The following SEPTIN9 variants were observed in gnomAD, a reference collection of about 807,000 sequenced individuals.
SEPTIN9 encodes the protein septin 9, also known as septin-9.
A neutral mutation model predicts 56.6 loss-of-function variants in SEPTIN9; 13 were observed. The observed-to-expected ratio is 0.23, with a 90% confidence interval of 0.15 to 0.37. The LOEUF (loss-of-function observed/expected upper bound fraction) is 0.37. Among genes scored for constraint, SEPTIN9 ranks in the 10% least tolerant of loss-of-function variants. The pLI, the probability that SEPTIN9 is intolerant of heterozygous loss-of-function variation, is 1.00. For synonymous variants in SEPTIN9, 332 were observed against 334.1 expected (o/e 0.99, Z 0.07); for missense variants, 650 against 823.1 (o/e 0.79, Z 2.57).
rs1473843098 is a variant in SEPTIN9, at chr17:77,500,366, A to C, written c.*1708A>C. 3 of 174,408 alleles carry C rather than the reference A, an allele frequency of 1.7e-5. No individual in the cohort carries two copies. Among genetic ancestry groups the C allele is most frequent in the African/African-American group, 4.8e-5 (2 of 41,556 alleles). 10.8% of individuals were successfully genotyped at this position (174,408 alleles called of 1,614,324 possible). ...CAGGCCATGTGGCCTGCCCAGCCTC[A>C]ATGTCACTTGGTGGCGGGGTGGGGT... On this transcript the variant is annotated 3_prime_UTR_variant, in exon 12 of 12. Transcript: ENST00000427177.
chr17:77,482,356 C>T (rs1482569380), intron 4 of SEPTIN9, 21 bp downstream of exon 4: 1 of 1,608,036 alleles, frequency 6.2e-7, no homozygotes. Flanking sequence ...ACCTTGCATG[C>T]CACTCAACCA....
rs906148602 is a variant in SEPTIN9, at chr17:77,326,465, G to C, written c.76+19268G>C. On this transcript the variant is annotated intron_variant, in intron 2 of 11. Transcript: ENST00000427177. This position sits in a 1 kb window ranked among gnomAD's most constrained non-coding sequence, Gnocchi z 5.1. ...CGGGCTGAGCGCAGAAGGATGAGGGGAGTAAACCAGGCTCAAACCCAGCAG... is the reference window on the plus strand; with the variant it reads ...CGGGCTGAGCGCAGAAGGATGAGGGCAGTAAACCAGGCTCAAACCCAGCAG... 8.5e-5 allele frequency among the ~76,000 whole-genome samples: 13 copies of C among 152,342 alleles called. No individual in the cohort carries two copies. The Middle Eastern group carries it at 0.01, about 120-fold the overall frequency.
chr17:77,462,403 G>T (rs1005398677), intron 3 of SEPTIN9, among the ~76,000 whole-genome samples: 1 of 152,138 alleles, frequency 6.6e-6, no homozygotes, highest in African/African-American at 2.4e-5. Flanking sequence ...TCCCAGCTCA[G>T]ACTCCCAAGT....
In SEPTIN9 at chr17:77,317,511, C is replaced by T. The variant is rs960547920; in HGVS notation, c.76+10314C>T. On this transcript the variant is annotated intron_variant, in intron 2 of 11. Transcript: ENST00000427177. The surrounding 1 kb of genome is among the most constrained non-coding windows in gnomAD (Gnocchi z 4.2). ...CGGCACATGTGAGGGATCTAGGTTG[C>T]GTGCTTCTTATGAGAATCTGATGCC... Among the ~76,000 whole-genome samples the T allele has an allele frequency of 1.3e-5, 2 of 152,166 alleles. No homozygotes were observed. The highest frequency in any genetic ancestry group is 2.4e-5 in the African/African-American group (1 of 41,430).
Position 77,281,526 on chromosome 17 carries a change from C to G in SEPTIN9, c.-10C>G. 6.5e-7 allele frequency: 1 copy of G among 1,548,734 alleles called. No homozygotes were observed. The highest frequency in any genetic ancestry group is 1.2e-5 in the South Asian group (1 of 83,906). On this transcript the variant is annotated 5_prime_UTR_variant, in exon 1 of 12. Coordinates refer to ENST00000427177, the MANE Select transcript of SEPTIN9 (RefSeq NM_001113491.2). ...CACACTTTCCTGGGAGCGGCGGCCA[C>G]GGAGGCACCATGAAGAAGTCTTACT...
rs147085576 is a variant in SEPTIN9, at chr17:77,440,529, A to C, written c.721+37826A>C. Among the ~76,000 whole-genome samples, 837 of 152,354 alleles carry C rather than the reference A, an allele frequency of 5.5e-3. 10 individuals are homozygous for C. Among genetic ancestry groups the C allele is most frequent in the African/African-American group, 0.019 (798 of 41,586 alleles). ...CTTTAGGGTTTTAAGGCACAGATACATGAAGCTTGTCAGTGAGCAGCTGCT... is the reference window on the plus strand; with the variant it reads ...CTTTAGGGTTTTAAGGCACAGATACCTGAAGCTTGTCAGTGAGCAGCTGCT... On this transcript the variant is annotated intron_variant, in intron 3 of 11. Coordinates refer to ENST00000427177, the MANE Select transcript of SEPTIN9 (RefSeq NM_001113491.2).
chr17:77,395,526 CAA>C (rs72242549), intron 2 of SEPTIN9, among the ~76,000 whole-genome samples: 9,188 of 115,196 alleles, frequency 0.08, 956 homozygotes, highest in African/African-American at 0.26. Context: ...GAGACTGTCT[CAA>C]AAAAAAAAAA....
At chr17:77,417,856 C>CT (rs2036558066) in intron 3 of SEPTIN9, among the ~76,000 whole-genome samples, 1 of 152,156 alleles carries the variant, frequency 6.6e-6, no homozygotes, top group Admixed American at 6.5e-5. Context: ...TTCCAGGAAC[C>CT]CAGCCTTGCT....
At chr17:77,384,759 G>T (rs896651508) in intron 2 of SEPTIN9, among the ~76,000 whole-genome samples, 2 of 151,812 alleles carry the variant, frequency 1.3e-5, no homozygotes, top group African/African-American at 4.8e-5. Flanking sequence ...TCGAGAGAAC[G>T]GGCCCAAAAT....
At chr17:77,396,390 G>A (rs1298638841) in intron 2 of SEPTIN9, among the ~76,000 whole-genome samples, 1 of 152,172 alleles carries the variant, frequency 6.6e-6, no homozygotes, top group African/African-American at 2.4e-5. Context: ...TCACGTACGG[G>A]GTTCTAAAAT....
At chr17:77,325,687 C>G (rs765672288) in intron 2 of SEPTIN9, among the ~76,000 whole-genome samples, 1 of 152,188 alleles carries the variant, frequency 6.6e-6, no homozygotes, top group African/African-American at 2.4e-5. Context: ...AGCCTGTCCC[C>G]TTGCTCGGCT....
chr17:77,381,438 C>A (rs181874424), intron 2 of SEPTIN9, among the ~76,000 whole-genome samples: 1 of 147,844 alleles, frequency 6.8e-6, no homozygotes, highest in East Asian at 2.1e-4. Context: ...AAGCTGGTTC[C>A]AAGCAGGGAC....
intron 3 of SEPTIN9, among the ~76,000 whole-genome samples, chr17:77,404,782 C>T (rs924683162): frequency 2.0e-5 from 3 of 152,200 alleles, no homozygotes; most frequent in African/African-American, 7.2e-5. Context: ...TTGGAAGGTC[C>T]TTTCCGGCCC....
chr17:77,468,264 C>CA (rs1555674738), intron 3 of SEPTIN9, among the ~76,000 whole-genome samples: 134 of 149,196 alleles, frequency 9.0e-4, no homozygotes, highest in South Asian at 3.6e-3. Context: ...GACTCCATCT[C>CA]AAAAAAAACA....
intron 3 of SEPTIN9, among the ~76,000 whole-genome samples, chr17:77,472,200 C>T (rs1025999261): frequency 1.3e-5 from 2 of 152,180 alleles, no homozygotes; most frequent in South Asian, 2.1e-4. Flanking sequence ...TTCCAGAAAG[C>T]GGCGGGTGGT....
chr17:77,496,739 A>G (rs2040278436), intron 10 of SEPTIN9, among the ~76,000 whole-genome samples: 1 of 152,092 alleles, frequency 6.6e-6, no homozygotes, highest in South Asian at 2.1e-4. Flanking sequence ...CTGATTCTTG[A>G]GCTTGTGAAT....
chr17:77,499,569 C>T lies in SEPTIN9; in HGVS notation c.*911C>T, dbSNP rs992905068. 1.1e-5 allele frequency: 5 copies of T among 450,824 alleles called. No homozygotes were observed. The highest frequency in any genetic ancestry group is 2.0e-5 in the South Asian group (1 of 50,876). The allele number at this position is 450,824 out of a possible 1,614,324, so 27.9% of individuals were successfully genotyped here. A position where few individuals can be genotyped will look rare whatever the true frequency, so the allele number is the denominator to read the frequency against. ...GCCAGAAGGAAGGTTGGCGGGGGCACGTGTGGGCCGTGGCTTGGGCTGGTC... is the reference window on the plus strand; with the variant it reads ...GCCAGAAGGAAGGTTGGCGGGGGCATGTGTGGGCCGTGGCTTGGGCTGGTC... On this transcript the variant is annotated 3_prime_UTR_variant, in exon 12 of 12. Transcript: ENST00000427177.
At chr17:77,432,448 T>C (rs77246) in intron 3 of SEPTIN9, among the ~76,000 whole-genome samples, 6,158 of 152,284 alleles carry the variant, frequency 0.04, 377 homozygotes, top group African/African-American at 0.13. Flanking sequence ...CCCGTCTGTG[T>C]CAGGCCTGGT....
rs1485747906 is a variant in SEPTIN9 at position 77,323,514 on chromosome 17, A to T, written c.76+16317A>T. Among the ~76,000 whole-genome samples the T allele has an allele frequency of 6.6e-6, 1 of 152,178 alleles. No individual in the cohort carries two copies. Among genetic ancestry groups the T allele is most frequent in the Non-Finnish European group, 1.5e-5 (1 of 68,012 alleles). On this transcript the variant is annotated intron_variant, in intron 2 of 11. Coordinates refer to ENST00000427177, the MANE Select transcript of SEPTIN9 (RefSeq NM_001113491.2). The surrounding 1 kb of genome is among the most constrained non-coding windows in gnomAD (Gnocchi z 6.8). ...GCCGTCTGTGCATGGTCATGAATGC[A>T]GGCCCGGGGTCCTGGAGGGGGCTTG...
Sources: allele counts gnomAD v4.1 joint callset (sites outside exome capture counted in the v4.1 genomes callset), GRCh38; gene constraint gnomAD v4.1.1; non-coding constraint Gnocchi (gnomAD v3.1); transcripts MANE v1.5; gene names NCBI Gene and HGNC (gene_info 2026-07-23, HGNC 2026-07-21).